Variants in TMPRSS15 observed in about 807,000 individuals in gnomAD.
The protein encoded by TMPRSS15 is enteropeptidase.
In TMPRSS15, 128 loss-of-function variants were observed where a neutral mutation model predicts 125.3. That is an observed-to-expected ratio of 1.02 (90% confidence interval 0.89 to 1.18). The LOEUF (loss-of-function observed/expected upper bound fraction) is 1.18, where lower values mean the gene tolerates loss of function less well. Among genes scored for constraint, TMPRSS15 ranks in the 50% most tolerant of loss-of-function variants. The pLI is 0.00. For missense variants in TMPRSS15, 1,283 were observed against 1,212.7 expected, an observed-to-expected ratio of 1.06 and a Z score of -0.86; for synonymous variants, 446 against 423.2, an observed-to-expected ratio of 1.05 and a Z score of -0.66.
chr21:18,311,299 A>G (rs1043659205), intron 18 of TMPRSS15, among the ~76,000 whole-genome samples: 1 of 152,186 alleles, frequency 6.6e-6, no homozygotes, highest in African/African-American at 2.4e-5. Flanking sequence ...TGAAGAGCAA[A>G]TCCACAGAAT....
intron 10 of TMPRSS15, among the ~76,000 whole-genome samples, chr21:18,347,100 G>A (rs1251698816): frequency 1.3e-5 from 2 of 150,520 alleles, no homozygotes; most frequent in Admixed American, 6.6e-5. Flanking sequence ...TGTTAAAATC[G>A]TATCAATTTT....
rs78451186 is a variant in TMPRSS15, at chr21:18,432,543, G to T, written c.11-34214C>A. Among the ~76,000 whole-genome samples, 1,039 of 152,192 alleles carry T rather than the reference G, an allele frequency of 6.8e-3. 17 individuals are homozygous for T. Among genetic ancestry groups the T allele is most frequent in the African/African-American group, 0.024 (984 of 41,524 alleles). ...ATCAAATCTGAAAGGTATCCTTATAGGAAAGAAGGTTATGTGAAGACACAG... is the reference window on the plus strand; with the variant it reads ...ATCAAATCTGAAAGGTATCCTTATATGAAAGAAGGTTATGTGAAGACACAG... On this transcript the variant is annotated intron_variant, in intron 1 of 7. Transcript: ENST00000422787.
At chr21:18,445,590 G>A (rs1197953514) in intron 1 of TMPRSS15, among the ~76,000 whole-genome samples, 1 of 152,046 alleles carries the variant, frequency 6.6e-6, no homozygotes, top group African/African-American at 2.4e-5. Context: ...GAGGGCAATA[G>A]CACATCAAAA....
At chr21:18,434,199 A>G (rs1170731721) in intron 1 of TMPRSS15, among the ~76,000 whole-genome samples, 2 of 152,230 alleles carry the variant, frequency 1.3e-5, no homozygotes, top group East Asian at 1.9e-4. Context: ...AAGACTCACC[A>G]TAATCTATAC....
In TMPRSS15 at chr21:18,337,976, T is replaced by C. The variant is rs145748403; in HGVS notation, c.1564+3437A>G. 2.5e-3 allele frequency among the ~76,000 whole-genome samples: 377 copies of C among 152,316 alleles called. 12 individuals carry two copies. Among genetic ancestry groups the C allele is most frequent in the Admixed American group, 0.019 (293 of 15,298 alleles). ...CTGGAACAAATAGACTCCGGGCAGA[T>C]TCTAAAGTTTATATTTTCAAATCAG... On this transcript the variant is annotated intron_variant, in intron 13 of 24. Transcript: ENST00000284885.
At chr21:18,386,206 G>C (rs2075942363) in intron 3 of TMPRSS15, among the ~76,000 whole-genome samples, 1 of 152,004 alleles carries the variant, frequency 6.6e-6, no homozygotes, top group East Asian at 1.9e-4. Flanking sequence ...TTTCATTTTA[G>C]CAATGAGGAC....
chr21:18,435,567 A>G (rs553614002), intron 1 of TMPRSS15, among the ~76,000 whole-genome samples: 1 of 152,262 alleles, frequency 6.6e-6, no homozygotes, highest in South Asian at 2.1e-4. Context: ...ATCAATGTTC[A>G]TCAAGGATAT....
chr21:18,457,622 T>A (rs1569072754), intron 1 of TMPRSS15, among the ~76,000 whole-genome samples: 1 of 152,102 alleles, frequency 6.6e-6, no homozygotes, highest in Non-Finnish European at 1.5e-5. Flanking sequence ...TTTAAAATCC[T>A]GTAGCAAAAA....
chr21:18,460,144 T>C lies in TMPRSS15; in HGVS notation c.10+25655A>G, dbSNP rs1031080357. Among the ~76,000 whole-genome samples the C allele has an allele frequency of 2.6e-5, 4 of 152,204 alleles. 1 individual carries two copies. The highest frequency in any genetic ancestry group is 2.0e-4 in the Admixed American group (3 of 15,274). On this transcript the variant is annotated intron_variant, in intron 1 of 7. Coordinates refer to the TMPRSS15 transcript ENST00000422787. ...CACTTTCCTGTATTTATGGCTTATA[T>C]ACATTTTTCTGCCTCATTGCATTGG...
At chr21:18,291,255 T>A (rs2074830385) in intron 21 of TMPRSS15, among the ~76,000 whole-genome samples, 1 of 152,322 alleles carries the variant, frequency 6.6e-6, no homozygotes, top group East Asian at 1.9e-4. Context: ...ACATACAGGA[T>A]TAAAATCCTC....
At chr21:18,439,111 A>C (rs548963652) in intron 1 of TMPRSS15, among the ~76,000 whole-genome samples, 1 of 152,308 alleles carries the variant, frequency 6.6e-6, no homozygotes, top group African/African-American at 2.4e-5. Flanking sequence ...ATCCTCAGAA[A>C]TTACTGCTGG....
In TMPRSS15 at chr21:18,353,838, G is replaced by T; in HGVS notation, c.906C>A (p.Gly302=). The T allele has an allele frequency of 6.2e-7, 1 of 1,611,204 alleles. No individual in the cohort carries two copies. The highest frequency in any genetic ancestry group is 8.5e-7 in the Non-Finnish European group (1 of 1,178,010). The change falls in exon 9 of 25, where the codon GGC becomes GGA. Residue 302 remains glycine (G), a synonymous_variant. Coordinates refer to ENST00000284885, the MANE Select transcript of TMPRSS15 (RefSeq NM_002772.3). ...CTTGGTTGGAAAAAATTCTTATTGTGCCAGGATTAGTTTCCCAAATAGAAG... is the reference window on the plus strand; with the variant it reads ...CTTGGTTGGAAAAAATTCTTATTGTTCCAGGATTAGTTTCCCAAATAGAAG... The part of the protein sequence containing the change: ...LRASIWETNP[G]TIRIFSNQVT...
intron 18 of TMPRSS15, among the ~76,000 whole-genome samples, chr21:18,298,669 A>G (rs747195421): frequency 3.3e-5 from 5 of 152,178 alleles, no homozygotes; most frequent in Non-Finnish European, 7.4e-5. Context: ...TTTAATCATC[A>G]TATAAAAATA....
At chr21:18,465,362 G>A (rs1396206602) in intron 1 of TMPRSS15, among the ~76,000 whole-genome samples, 1 of 152,172 alleles carries the variant, frequency 6.6e-6, no homozygotes, top group African/African-American at 2.4e-5. Flanking sequence ...AGACAGGGAT[G>A]CCCTCTCTCA....
At chr21:18,438,328 G>C (rs1225394565) in intron 1 of TMPRSS15, among the ~76,000 whole-genome samples, 2 of 117,252 alleles carry the variant, frequency 1.7e-5, no homozygotes, top group Non-Finnish European at 3.4e-5. Flanking sequence ...GACTGTTGTG[G>C]GGTGGGGGGA....
intron 1 of TMPRSS15, among the ~76,000 whole-genome samples, chr21:18,429,709 C>T (rs879713591): frequency 6.6e-6 from 1 of 152,118 alleles, no homozygotes; most frequent in African/African-American, 2.4e-5. Context: ...TTTTTCTTCC[C>T]AGTCTTGGGT....
intron 1 of TMPRSS15, among the ~76,000 whole-genome samples, chr21:18,465,072 C>T (rs1301841384): frequency 2.6e-5 from 4 of 152,034 alleles, no homozygotes; most frequent in East Asian, 1.9e-4. Flanking sequence ...ATGATCAATT[C>T]GGCTTCATCC....
At chr21:18,423,568 C>T (rs1342141223) in intron 1 of TMPRSS15, among the ~76,000 whole-genome samples, 1 of 151,604 alleles carries the variant, frequency 6.6e-6, no homozygotes, top group Non-Finnish European at 1.5e-5. Flanking sequence ...GCCACCACAC[C>T]CGGCTAATTT....
At chr21:18,399,032 A>G (rs1024056384) in intron 1 of TMPRSS15, among the ~76,000 whole-genome samples, 1 of 152,164 alleles carries the variant, frequency 6.6e-6, no homozygotes, top group Non-Finnish European at 1.5e-5. Flanking sequence ...TAAGTCCTAC[A>G]TAATCCCTTT....
Sources: allele counts gnomAD v4.1 joint callset (sites outside exome capture counted in the v4.1 genomes callset), GRCh38; gene constraint gnomAD v4.1.1; transcripts MANE v1.5; gene names NCBI Gene and HGNC (gene_info 2026-07-23, HGNC 2026-07-21).